The following NDFIP2 variants were observed in gnomAD, a reference collection of about 807,000 sequenced individuals.
NDFIP2 encodes NEDD4 family-interacting protein 2.
Under a neutral mutation model 36.0 loss-of-function variants are expected in NDFIP2, and 19 were observed. That is an observed-to-expected ratio of 0.53 (90% confidence interval 0.37 to 0.77). The LOEUF is 0.77. Among genes scored for constraint, NDFIP2 ranks in the 30% least tolerant of loss-of-function variants. The pLI is 0.00. For synonymous variants in NDFIP2, 181 were observed against 167.7 expected (o/e 1.08, Z -0.61); for missense variants, 446 against 435.8 (o/e 1.02, Z -0.21).
At position 79,553,117 on chromosome 13, in the gene NDFIP2, A is replaced by C. The variant is rs116166707; in HGVS notation, c.*604A>C. The stretch of plus-strand genomic sequence containing the variant: ...AACCATGCATAACTTACTTTCTGCA[A>C]TGTTTTCTTAGAAATTGTGTCCAGA... On this transcript the variant is annotated 3_prime_UTR_variant, in exon 8 of 8. Coordinates refer to ENST00000218652, the MANE Select transcript of NDFIP2 (RefSeq NM_019080.3). The C allele has an allele frequency of 3.4e-3, 523 of 151,866 alleles. 6 individuals carry two copies. The highest frequency in any genetic ancestry group is 0.012 in the African/African-American group (480 of 41,494). The allele number at this position is 151,866 out of a possible 1,614,324, so 9.4% of individuals were successfully genotyped here. A position where few individuals can be genotyped will look rare whatever the true frequency, so the allele number is the denominator to read the frequency against.
At chr13:79,542,505 G>GTTTTTTTTTTTTTTTTTTTTTTT (rs1454824183) in intron 4 of NDFIP2, among the ~76,000 whole-genome samples, 1 of 149,312 alleles carries the variant, frequency 6.7e-6, no homozygotes, top group African/African-American at 2.5e-5. Context: ...GTGTTGTTCT[G>GTTTTTTTTTTTTTTTTTTTTTTT]TTTTTTGTTT....
intron 1 of NDFIP2, among the ~76,000 whole-genome samples, chr13:79,508,198 C>T (rs1437690288): frequency 6.6e-6 from 1 of 152,130 alleles, no homozygotes; most frequent in African/African-American, 2.4e-5. Flanking sequence ...AATATTGCTG[C>T]CTTGAACATT....
At chr13:79,503,347 T>C (rs553942041) in intron 1 of NDFIP2, among the ~76,000 whole-genome samples, 15 of 152,226 alleles carry the variant, frequency 9.9e-5, no homozygotes, top group Admixed American at 9.2e-4. Flanking sequence ...TTATCCCAAA[T>C]TGAGTCTTAA....
intron 1 of NDFIP2, among the ~76,000 whole-genome samples, chr13:79,506,728 C>T (rs572094727): frequency 2.0e-4 from 30 of 152,184 alleles, no homozygotes; most frequent in African/African-American, 7.2e-4. Context: ...CCTATGTTAA[C>T]ATTTGGTGAA....
intron 5 of NDFIP2, among the ~76,000 whole-genome samples, chr13:79,545,707 A>C (rs1875643666): frequency 6.6e-6 from 1 of 152,180 alleles, no homozygotes; most frequent in Non-Finnish European, 1.5e-5. Context: ...ACTAAGAATA[A>C]AAAGAGTCAA....
At chr13:79,517,000 A>G (rs2137081339) in intron 1 of NDFIP2, among the ~76,000 whole-genome samples, 1 of 152,348 alleles carries the variant, frequency 6.6e-6, no homozygotes, top group Non-Finnish European at 1.5e-5. Context: ...TTCCAGCTAG[A>G]GTTAATCATA....
At position 79,507,563 on chromosome 13, in the gene NDFIP2, C is replaced by G. The variant is rs1250596136; in HGVS notation, c.322-13247C>G. Among the ~76,000 whole-genome samples the G allele has an allele frequency of 1.1e-4, 2 of 18,348 alleles. 1 individual carries two copies. The highest frequency in any genetic ancestry group is 3.9e-3 in the East Asian group (2 of 514). The allele number at this position is 18,348 out of a possible 152,430, so 12.0% of individuals were successfully genotyped here. ...TGCTGGGATTACAGGCGTGAGCCAC[C>G]GCGCCCGGCCTCTGATTGAGTTTTT... On this transcript the variant is annotated intron_variant, in intron 1 of 7. Transcript: ENST00000218652.
At chr13:79,516,815 A>G (rs1392650574) in intron 1 of NDFIP2, among the ~76,000 whole-genome samples, 1 of 152,150 alleles carries the variant, frequency 6.6e-6, no homozygotes, top group Non-Finnish European at 1.5e-5. Context: ...ACATCTACAC[A>G]TTCTTATCTT....
chr13:79,520,495 C>A (rs1403251739), intron 1 of NDFIP2, among the ~76,000 whole-genome samples: 2 of 152,090 alleles, frequency 1.3e-5, no homozygotes, highest in Non-Finnish European at 2.9e-5. Flanking sequence ...ATGTGGTAGA[C>A]CTTTGATATC....
chr13:79,526,633 A>C (rs764477526), intron 2 of NDFIP2, among the ~76,000 whole-genome samples: 2 of 152,202 alleles, frequency 1.3e-5, no homozygotes, highest in Non-Finnish European at 2.9e-5. Flanking sequence ...TAACACAAGA[A>C]CCTTGAAGAC....
At chr13:79,496,444 T>C (rs1873436301) in intron 1 of NDFIP2, among the ~76,000 whole-genome samples, 1 of 151,958 alleles carries the variant, frequency 6.6e-6, no homozygotes, top group African/African-American at 2.4e-5. Context: ...TCTATATATA[T>C]TGGTTTTCAC....
At chr13:79,550,521 C>T (rs1228974112) in intron 6 of NDFIP2, among the ~76,000 whole-genome samples, 1 of 151,532 alleles carries the variant, frequency 6.6e-6, no homozygotes, top group Non-Finnish European at 1.5e-5. Flanking sequence ...ACAGATTTCA[C>T]AGATGACAGG....
intron 1 of NDFIP2, among the ~76,000 whole-genome samples, chr13:79,508,700 G>C (rs1873962355): frequency 6.6e-6 from 1 of 152,164 alleles, no homozygotes; most frequent in South Asian, 2.1e-4. Flanking sequence ...CCTGTAACTT[G>C]TGCCAACCTT....
At position 79,553,222 on chromosome 13, in the gene NDFIP2, A is replaced by G. The variant is rs1875974465; in HGVS notation, c.*709A>G. 1 of 151,304 alleles carries G rather than the reference A, an allele frequency of 6.6e-6. No individual in the cohort carries two copies. The highest frequency in any genetic ancestry group is 6.6e-5 in the Admixed American group (1 of 15,158). 9.4% of individuals were successfully genotyped at this position (151,304 alleles called of 1,614,324 possible). ...CACATATATATACACACACACATAT[A>G]TATATTTAGAAACGTGAGTGTTAAA... On this transcript the variant is annotated 3_prime_UTR_variant, in exon 8 of 8. Coordinates refer to ENST00000218652, the MANE Select transcript of NDFIP2 (RefSeq NM_019080.3).
At chr13:79,538,004 G>A (rs1875308436) in intron 3 of NDFIP2, among the ~76,000 whole-genome samples, 1 of 152,170 alleles carries the variant, frequency 6.6e-6, no homozygotes, top group South Asian at 2.1e-4. Flanking sequence ...AAGGTGAGGG[G>A]GAAGCAGGCC....
intron 1 of NDFIP2, among the ~76,000 whole-genome samples, chr13:79,497,985 G>A (rs1049179567): frequency 2.6e-5 from 4 of 151,722 alleles, no homozygotes; most frequent in African/African-American, 7.3e-5. Flanking sequence ...GATTAGGGTA[G>A]TGGCACTGAA....
chr13:79,531,466 T>A (rs971163316), intron 2 of NDFIP2, among the ~76,000 whole-genome samples: 8 of 152,210 alleles, frequency 5.3e-5, no homozygotes, highest in Non-Finnish European at 1.2e-4. Context: ...ATGAAAGTCC[T>A]AGAAGGCATC....
Position 79,529,017 on chromosome 13 carries a change from G to A in NDFIP2, c.488-4306G>A, listed in dbSNP as rs1045350063. Among the ~76,000 whole-genome samples the A allele has an allele frequency of 8.6e-5, 13 of 152,014 alleles. No individual in the cohort carries two copies. The East Asian group carries it at 1.7e-3, about 20-fold the overall frequency. On this transcript the variant is annotated intron_variant, in intron 2 of 7. Transcript: ENST00000218652. ...ATCTGAGTAACATAAATAATAATAC[G>A]TGACATTTGTGTAATGCTTCACAGT...
chr13:79,486,458 A>C (rs764287400), intron 1 of NDFIP2, among the ~76,000 whole-genome samples: 6 of 152,256 alleles, frequency 3.9e-5, no homozygotes, highest in Admixed American at 2.6e-4. Context: ...TGCAGGGATC[A>C]GTGTACTTGC....
Sources: allele counts gnomAD v4.1 joint callset (sites outside exome capture counted in the v4.1 genomes callset), GRCh38; gene constraint gnomAD v4.1.1; transcripts MANE v1.5; gene names NCBI Gene and HGNC (gene_info 2026-07-23, HGNC 2026-07-21).